The following UNC79 variants were observed in gnomAD, a reference collection of about 807,000 sequenced individuals.
UNC79 encodes unc-79 subunit of NALCN channel complex, also known as protein unc-79 homolog.
In UNC79, 37 loss-of-function variants were observed where a neutral mutation model predicts 283.1. The ratio of observed to expected loss-of-function variants is 0.13; its 90% CI spans 0.10 to 0.17. The LOEUF (loss-of-function observed/expected upper bound fraction) is 0.17. UNC79 is among the 10% of genes least tolerant of loss of function. The pLI is 1.00. For synonymous variants in UNC79, 1,107 were observed against 1,200.2 expected (o/e 0.92, Z 1.61); for missense variants, 2,272 against 3,211.1 (o/e 0.71, Z 7.07).
intron 4 of UNC79, among the ~76,000 whole-genome samples, chr14:93,487,159 T>A (rs2058484237): frequency 6.6e-6 from 1 of 152,234 alleles, no homozygotes; most frequent in Non-Finnish European, 1.5e-5. Flanking sequence ...TTATTTTTTA[T>A]AATATGTGAT....
intron 23 of UNC79, 45 bp from the exon 24 acceptor site, chr14:93,597,314 G>A (rs1294145650): frequency 6.3e-7 from 1 of 1,587,200 alleles, no homozygotes; most frequent in Non-Finnish European, 8.6e-7. Context: ...TGTGCCTGTA[G>A]GTGTGTGTGT....
chr14:93,518,047 A>C (rs1052703648), intron 7 of UNC79, among the ~76,000 whole-genome samples: 1 of 151,916 alleles, frequency 6.6e-6, no homozygotes, highest in Non-Finnish European at 1.5e-5. Context: ...TTTATGAGAG[A>C]TATTGTTTTG....
intron 14 of UNC79, among the ~76,000 whole-genome samples, chr14:93,553,586 G>A (rs2062006614): frequency 6.6e-6 from 1 of 152,150 alleles, no homozygotes; most frequent in Admixed American, 6.5e-5. Context: ...AGTTAAAGAT[G>A]CAATCAACAG....
intron 1 of UNC79, among the ~76,000 whole-genome samples, chr14:93,415,841 G>T (rs1288826653): frequency 1.3e-5 from 2 of 149,002 alleles, no homozygotes; most frequent in Non-Finnish European, 3.0e-5. Flanking sequence ...ATGGTAGTTT[G>T]TATTTCTGTG....
intron 35 of UNC79, among the ~76,000 whole-genome samples, chr14:93,652,971 G>T (rs1353603753): frequency 2.0e-5 from 3 of 152,046 alleles, no homozygotes; most frequent in African/African-American, 7.2e-5. Flanking sequence ...GAATATTTTT[G>T]ACCTAAAACT....
At chr14:93,660,420 C>T (rs2071411453) in intron 39 of UNC79, among the ~76,000 whole-genome samples, 1 of 150,822 alleles carries the variant, frequency 6.6e-6, no homozygotes, top group East Asian at 2.0e-4. Context: ...TCCATATAGG[C>T]TTGAATTCAG....
At chr14:93,579,873 G>C (rs1331815793) in intron 18 of UNC79, among the ~76,000 whole-genome samples, 1 of 152,150 alleles carries the variant, frequency 6.6e-6, no homozygotes, top group Non-Finnish European at 1.5e-5. Flanking sequence ...TTAGCCAAAA[G>C]CAACAACTCT....
In UNC79 at chr14:93,668,386, T is replaced by A. The variant is rs201670366; in HGVS notation, c.6637-4965T>A. Among the ~76,000 whole-genome samples, 5 of 152,248 alleles carry A rather than the reference T, an allele frequency of 3.3e-5. No individual in the cohort carries two copies. In the East Asian group the frequency reaches 7.7e-4, roughly 24 times the overall value. ...TATAAAACATACTTTTAAAATGTCATCTATTGTGGTGACAAAAGATAAATC... is the reference window on the plus strand; with the variant it reads ...TATAAAACATACTTTTAAAATGTCAACTATTGTGGTGACAAAAGATAAATC... On this transcript the variant is annotated intron_variant, in intron 40 of 48. Coordinates refer to ENST00000555664, the Ensembl canonical transcript of UNC79.
chr14:93,627,895 G>C (rs180961628), intron 30 of UNC79, among the ~76,000 whole-genome samples: 1 of 152,298 alleles, frequency 6.6e-6, no homozygotes, highest in African/African-American at 2.4e-5. Context: ...AACACATCCA[G>C]AATGTGGCAC....
At chr14:93,364,838 T>C (rs2054297157) in intron 1 of UNC79, among the ~76,000 whole-genome samples, 1 of 151,922 alleles carries the variant, frequency 6.6e-6, no homozygotes, top group Non-Finnish European at 1.5e-5. Context: ...ATGGAAAGCT[T>C]TTACAACTAT....
intron 41 of UNC79, among the ~76,000 whole-genome samples, 163 bp downstream of exon 44, chr14:93,673,618 C>G (rs986475677): frequency 6.6e-6 from 1 of 151,976 alleles, no homozygotes; most frequent in Non-Finnish European, 1.5e-5. Flanking sequence ...ATGCACCTGA[C>G]GCTTCCACTG....
In UNC79 at chr14:93,694,521, G is replaced by A. The variant is rs557400963; in HGVS notation, c.7548+109G>A. 124 of 1,063,982 alleles carry A rather than the reference G, an allele frequency of 1.2e-4. No individual in the cohort carries two copies. The African/African-American group carries it at 1.8e-3, about 16-fold the overall frequency. 65.9% of individuals were successfully genotyped at this position (1,063,982 alleles called of 1,614,324 possible). A position where few individuals can be genotyped will look rare whatever the true frequency, so the allele number is the denominator to read the frequency against. The stretch of plus-strand genomic sequence containing the variant: ...TAATTAGTTTTAACATTCAGAGTTG[G>A]GGCTGGAGAATTCAGGCTCCTATAA... On this transcript the variant is annotated intron_variant, in intron 47 of 48. Transcript: ENST00000555664.
At chr14:93,363,485 G>T (rs892437662) in intron 1 of UNC79, among the ~76,000 whole-genome samples, 4 of 152,124 alleles carry the variant, frequency 2.6e-5, no homozygotes, top group Non-Finnish European at 5.9e-5. Flanking sequence ...GGTCCGTTTG[G>T]TCAAGTGTTG....
At chr14:93,396,777 A>ATGTGTGTGTGTGTGTG (rs34727419) in intron 1 of UNC79, among the ~76,000 whole-genome samples, 22,782 of 144,198 alleles carry the variant, frequency 0.16, 2,238 homozygotes, top group Non-Finnish European at 0.21. Context: ...ATGTGTGTGT[A>ATGTGTGTGTGTGTGTG]TGTGTGTGTG....
intron 1 of UNC79, among the ~76,000 whole-genome samples, chr14:93,352,161 G>T (rs991914877): frequency 2.0e-5 from 3 of 152,138 alleles, no homozygotes; most frequent in Non-Finnish European, 4.4e-5. Context: ...ATCTATCTTC[G>T]CTGTTCACTG....
At chr14:93,599,705 C>T (rs2065351625) in intron 24 of UNC79, among the ~76,000 whole-genome samples, 1 of 152,182 alleles carries the variant, frequency 6.6e-6, no homozygotes, top group African/African-American at 2.4e-5. Context: ...GAATGGTAAA[C>T]TCAGACACTA....
intron 1 of UNC79, among the ~76,000 whole-genome samples, chr14:93,413,028 CTTA>C (rs1438984704): frequency 6.6e-6 from 1 of 151,944 alleles, no homozygotes; most frequent in African/African-American, 2.4e-5. Flanking sequence ...GTAGACAACT[CTTA>C]TTTTTTTTAT....
chr14:93,338,104 C>T (rs111503167), intron 1 of UNC79, among the ~76,000 whole-genome samples: 5 of 152,244 alleles, frequency 3.3e-5, no homozygotes, highest in South Asian at 2.1e-4. Context: ...ACAAGCCGAG[C>T]GCAGCCTGCC....
At chr14:93,706,785 T>G in exon 49 of UNC79, 1 of 1,614,220 alleles carries the variant, frequency 6.2e-7, no homozygotes, top group Non-Finnish European at 8.5e-7. Flanking sequence ...GCTGCCGGGC[T>G]CGGGCCAGAG....
Sources: allele counts gnomAD v4.1 joint callset (sites outside exome capture counted in the v4.1 genomes callset), GRCh38; gene constraint gnomAD v4.1.1; transcripts MANE v1.5; gene names NCBI Gene and HGNC (gene_info 2026-07-23, HGNC 2026-07-21).